The following PRKG1 variants were observed in gnomAD, a reference collection of about 807,000 sequenced individuals.
PRKG1 encodes cGMP-dependent protein kinase 1.
A neutral mutation model predicts 88.1 loss-of-function variants in PRKG1; 35 were observed. The ratio of observed to expected loss-of-function variants is 0.40; its 90% CI spans 0.30 to 0.53. PRKG1 has a LOEUF of 0.53. Among genes scored for constraint, PRKG1 ranks in the 20% least tolerant of loss-of-function variants. The pLI is 0.59. For synonymous variants in PRKG1, 303 were observed against 292.5 expected, an observed-to-expected ratio of 1.04 and a Z score of -0.37; for missense variants, 540 against 839.8, an observed-to-expected ratio of 0.64 and a Z score of 4.41.
chr10:51,959,088 G>A (rs991203410), intron 5 of PRKG1, among the ~76,000 whole-genome samples: 5 of 152,108 alleles, frequency 3.3e-5, no homozygotes, highest in Admixed American at 3.3e-4. Context: ...TTACTTAGTG[G>A]TAGAGCTGGA....
intron 5 of PRKG1, among the ~76,000 whole-genome samples, chr10:51,970,071 T>G (rs957099640): frequency 1.5e-4 from 22 of 151,262 alleles, no homozygotes; most frequent in Non-Finnish European, 2.7e-4. Flanking sequence ...TTTATATATT[T>G]TTCTTTAATT....
At position 51,305,847 on chromosome 10, in the gene PRKG1, C is replaced by G. The variant is rs539898172; in HGVS notation, c.478+152517C>G. ...GCACATATCTTGTGAATTAATATCA[C>G]GTTCCTGATATGGAGGGCTTTTGTA... On this transcript the variant is annotated intron_variant, in intron 2 of 17. Coordinates refer to ENST00000373980, the MANE Select transcript of PRKG1 (RefSeq NM_006258.4). Among the ~76,000 whole-genome samples, 3 of 152,274 alleles carry G rather than the reference C, an allele frequency of 2.0e-5. No individual in the cohort carries two copies. The South Asian group carries it at 6.2e-4, about 32-fold the overall frequency.
chr10:51,187,794 G>A (rs1041845245), intron 2 of PRKG1, among the ~76,000 whole-genome samples: 1 of 151,926 alleles, frequency 6.6e-6, no homozygotes, highest in Non-Finnish European at 1.5e-5. Context: ...TGAACAATAG[G>A]AATTCTCTCC....
intron 4 of PRKG1, among the ~76,000 whole-genome samples, chr10:51,855,600 A>G (rs1232836165): frequency 6.6e-6 from 1 of 152,198 alleles, no homozygotes; most frequent in Non-Finnish European, 1.5e-5. Flanking sequence ...AATCCCAGGC[A>G]ACAAATTATT....
chr10:51,026,435 A>G (rs1283785612), intron 1 of PRKG1, among the ~76,000 whole-genome samples: 3 of 152,122 alleles, frequency 2.0e-5, no homozygotes, highest in Admixed American at 2.0e-4. Flanking sequence ...AATACTCACA[A>G]AACAGATTTT....
chr10:51,511,080 T>C (rs1841389057), intron 3 of PRKG1, among the ~76,000 whole-genome samples: 1 of 152,140 alleles, frequency 6.6e-6, no homozygotes, highest in Non-Finnish European at 1.5e-5. Flanking sequence ...ACAGAAATTT[T>C]TAAGTGTTTC....
chr10:52,155,862 T>G (rs1838080781), intron 8 of PRKG1, among the ~76,000 whole-genome samples: 1 of 151,940 alleles, frequency 6.6e-6, no homozygotes, highest in South Asian at 2.1e-4. Flanking sequence ...ATGGACATAT[T>G]AGACATGGAA....
chr10:52,150,084 G>T (rs1341437033), intron 8 of PRKG1, among the ~76,000 whole-genome samples: 1 of 151,238 alleles, frequency 6.6e-6, no homozygotes, highest in Non-Finnish European at 1.5e-5. Context: ...GGAGGTGGAG[G>T]TTGCAGTGAG....
chr10:51,326,494 T>G (rs550353547), intron 2 of PRKG1, among the ~76,000 whole-genome samples: 9 of 152,354 alleles, frequency 5.9e-5, no homozygotes, highest in African/African-American at 1.9e-4. Context: ...AAATTCTTTT[T>G]TCATTAATAT....
At chr10:51,849,249 A>G (rs1307071976) in intron 4 of PRKG1, among the ~76,000 whole-genome samples, 3 of 152,182 alleles carry the variant, frequency 2.0e-5, no homozygotes, top group Admixed American at 6.5e-5. Flanking sequence ...TTGGAGCCAA[A>G]CAGGCATGAG....
intron 2 of PRKG1, among the ~76,000 whole-genome samples, chr10:51,326,403 T>A (rs190474108): frequency 8.5e-5 from 13 of 152,278 alleles, no homozygotes; most frequent in African/African-American, 3.1e-4. Context: ...GCTATTTAAA[T>A]TGCTCCAGAC....
chr10:51,465,331 T>C (rs1052316427), intron 2 of PRKG1, among the ~76,000 whole-genome samples: 1 of 152,240 alleles, frequency 6.6e-6, no homozygotes, highest in Admixed American at 6.5e-5. Context: ...TAGGTTTCTT[T>C]CTACTGAAAA....
chr10:50,995,085 A>C (rs896590618), intron 1 of PRKG1, among the ~76,000 whole-genome samples: 2 of 152,190 alleles, frequency 1.3e-5, no homozygotes, highest in Non-Finnish European at 2.9e-5. Context: ...ACTCTGTAGG[A>C]ATTTTATTTA....
At position 51,997,087 on chromosome 10, in the gene PRKG1, G is replaced by A. The variant is rs1032340479; in HGVS notation, c.763-57397G>A. Among the ~76,000 whole-genome samples, 11 of 28,824 alleles carry A rather than the reference G, an allele frequency of 3.8e-4. No homozygotes were observed. The South Asian group carries it at 0.029, about 75-fold the overall frequency. The allele number at this position is 28,824 out of a possible 152,430, so 18.9% of individuals were successfully genotyped here. On this transcript the variant is annotated intron_variant, in intron 5 of 17. Coordinates refer to ENST00000373980, the MANE Select transcript of PRKG1 (RefSeq NM_006258.4). ...AGAGTTGATCTCATGAAAATAGAGAGCAAGAATGTTGATTACCAGAGGCTG... is the reference window on the plus strand; with the variant it reads ...AGAGTTGATCTCATGAAAATAGAGAACAAGAATGTTGATTACCAGAGGCTG...
chr10:52,153,440 G>A (rs1837998243), intron 8 of PRKG1, among the ~76,000 whole-genome samples: 1 of 152,160 alleles, frequency 6.6e-6, no homozygotes, highest in African/African-American at 2.4e-5. Context: ...CAATTTATGA[G>A]TGAAATAGCA....
intron 3 of PRKG1, among the ~76,000 whole-genome samples, chr10:51,646,085 G>T (rs1353175777): frequency 2.6e-5 from 4 of 152,160 alleles, no homozygotes; most frequent in African/African-American, 9.6e-5. Flanking sequence ...ATAGAGTATA[G>T]CAGTAGAATA....
At chr10:52,245,266 T>G (rs1228045656) in intron 9 of PRKG1, among the ~76,000 whole-genome samples, 2 of 152,066 alleles carry the variant, frequency 1.3e-5, no homozygotes, top group African/African-American at 2.4e-5. Context: ...TGCTCTTTGG[T>G]TACATAAAAA....
chr10:51,622,515 C>T (rs1321985880), intron 3 of PRKG1, among the ~76,000 whole-genome samples: 1 of 152,182 alleles, frequency 6.6e-6, no homozygotes, highest in Non-Finnish European at 1.5e-5. Flanking sequence ...CTTTCTATGA[C>T]AGTTCCAGGG....
At chr10:51,928,070 T>C (rs542704757) in intron 5 of PRKG1, among the ~76,000 whole-genome samples, 24 of 152,204 alleles carry the variant, frequency 1.6e-4, no homozygotes, top group Non-Finnish European at 3.4e-4. Context: ...CCTTACTGAA[T>C]TGAAAAAGGT....
Sources: allele counts gnomAD v4.1 joint callset (sites outside exome capture counted in the v4.1 genomes callset), GRCh38; gene constraint gnomAD v4.1.1; transcripts MANE v1.5; gene names NCBI Gene and HGNC (gene_info 2026-07-23, HGNC 2026-07-21).